Variants in EYS observed in about 807,000 individuals in gnomAD.
EYS encodes EGF-like photoreceptor maintenance factor.
In EYS, 250 loss-of-function variants were observed where a neutral mutation model predicts 282.1. The ratio of observed to expected loss-of-function variants is 0.89; its 90% CI spans 0.80 to 0.98. The LOEUF (loss-of-function observed/expected upper bound fraction) is 0.98. Ranked by LOEUF, EYS falls within the 50% of genes least tolerant of loss-of-function variation. The pLI, the probability that EYS is intolerant of heterozygous loss-of-function variation, is 0.00. For synonymous variants in EYS, 1,355 were observed against 1,282.9 expected (o/e 1.06, Z -1.20); for missense variants, 4,016 against 3,709.0 (o/e 1.08, Z -2.15).
At chr6:63,736,988 C>T (rs1382876589) in intron 41 of EYS, among the ~76,000 whole-genome samples, 2 of 151,694 alleles carry the variant, frequency 1.3e-5, no homozygotes, top group African/African-American at 4.9e-5. Flanking sequence ...AGATTTTGGG[C>T]TGAGACAATG....
chr6:64,840,951 C>T (rs953982175), intron 19 of EYS, among the ~76,000 whole-genome samples: 7 of 152,090 alleles, frequency 4.6e-5, no homozygotes, highest in African/African-American at 1.7e-4. Flanking sequence ...AGAATATACC[C>T]ATCATAACAG....
intron 31 of EYS, among the ~76,000 whole-genome samples, chr6:64,167,233 G>A (rs1057227286): frequency 1.3e-5 from 2 of 152,090 alleles, no homozygotes; most frequent in Non-Finnish European, 2.9e-5. Flanking sequence ...TTAGTTTCTG[G>A]TATATAAAAT....
chr6:65,139,593 T>G (rs1168219557), intron 12 of EYS, among the ~76,000 whole-genome samples: 1 of 152,004 alleles, frequency 6.6e-6, no homozygotes, highest in Admixed American at 6.6e-5. Flanking sequence ...AAATAAACAT[T>G]TAAACAAATA....
At chr6:65,554,850 T>C (rs1768736995) in intron 2 of EYS, among the ~76,000 whole-genome samples, 1 of 152,160 alleles carries the variant, frequency 6.6e-6, no homozygotes, top group Admixed American at 6.5e-5. Flanking sequence ...TGTACCACAA[T>C]TAAAGTTAGA....
At chr6:64,127,268 T>G (rs951978890) in intron 31 of EYS, among the ~76,000 whole-genome samples, 1 of 152,198 alleles carries the variant, frequency 6.6e-6, no homozygotes, top group Non-Finnish European at 1.5e-5. Context: ...CTAATTTACT[T>G]GAACAGTATT....
chr6:64,934,897 T>C (rs1170075615), intron 15 of EYS, among the ~76,000 whole-genome samples: 2 of 151,868 alleles, frequency 1.3e-5, no homozygotes, highest in African/African-American at 4.8e-5. Context: ...TTCATAACTC[T>C]TTTCTCTGTA....
intron 30 of EYS, among the ~76,000 whole-genome samples, chr6:64,298,031 C>G (rs936471645): frequency 7.4e-6 from 1 of 135,318 alleles, no homozygotes; most frequent in Non-Finnish European, 1.6e-5. Context: ...CCCAGATAAA[C>G]AAAAGCTAAG....
At chr6:64,044,677 G>C (rs1398467352) in intron 33 of EYS, among the ~76,000 whole-genome samples, 1 of 152,066 alleles carries the variant, frequency 6.6e-6, no homozygotes, top group Non-Finnish European at 1.5e-5. Context: ...CTTTTCAGGG[G>C]AAAAATTTAC....
chr6:63,951,863 T>A lies in EYS; in HGVS notation c.7055+32520A>T, dbSNP rs111256675. 5.9e-3 allele frequency among the ~76,000 whole-genome samples: 894 copies of A among 152,304 alleles called. 4 individuals are homozygous for A. The highest frequency in any genetic ancestry group is 9.1e-3 in the Non-Finnish European group (619 of 68,028). On this transcript the variant is annotated intron_variant, in intron 35 of 42. Coordinates refer to ENST00000503581, the MANE Select transcript of EYS (RefSeq NM_001142800.2). Reference sequence around the variant, plus strand: ...CCAGCCCATTTCATGGCTTGTTTGGTAGCAACCCTGAGATGCTTTACAGCC... The same window carrying A: ...CCAGCCCATTTCATGGCTTGTTTGGAAGCAACCCTGAGATGCTTTACAGCC...
At chr6:65,184,884 G>A (rs1314671555) in intron 12 of EYS, among the ~76,000 whole-genome samples, 1 of 151,454 alleles carries the variant, frequency 6.6e-6, no homozygotes, top group Non-Finnish European at 1.5e-5. Context: ...AAAACGTTTG[G>A]ATAAAGATGT....
At chr6:64,989,392 G>GT (rs71553508) in intron 14 of EYS, among the ~76,000 whole-genome samples, 1 of 28,034 alleles carries the variant, frequency 3.6e-5, no homozygotes, top group Non-Finnish European at 6.5e-5. Flanking sequence ...CTGGCTAGCT[G>GT]TAATATATAT....
chr6:65,064,550 T>C (rs1180183078), intron 12 of EYS, among the ~76,000 whole-genome samples: 1 of 146,886 alleles, frequency 6.8e-6, no homozygotes, highest in African/African-American at 2.5e-5. Context: ...TATATACTAA[T>C]ATACTCTGCT....
chr6:64,799,998 A>G (rs181555619), intron 22 of EYS, among the ~76,000 whole-genome samples: 262 of 152,100 alleles, frequency 1.7e-3, no homozygotes, highest in African/African-American at 6.2e-3. Flanking sequence ...AACTCACAAT[A>G]TAATCCTTTT....
chr6:65,070,463 A>C (rs147424751), intron 12 of EYS, among the ~76,000 whole-genome samples: 2 of 151,888 alleles, frequency 1.3e-5, no homozygotes, highest in Non-Finnish European at 2.9e-5. Context: ...TACTCATAAC[A>C]ACCTTCTCTC....
chr6:64,769,417 T>C (rs932547813), intron 22 of EYS, among the ~76,000 whole-genome samples: 1 of 151,992 alleles, frequency 6.6e-6, no homozygotes, highest in Non-Finnish European at 1.5e-5. Flanking sequence ...ATTTTCACAT[T>C]ATTAAATATT....
chr6:64,692,161 C>G (rs1770410742), intron 22 of EYS, among the ~76,000 whole-genome samples: 1 of 152,116 alleles, frequency 6.6e-6, no homozygotes, highest in Non-Finnish European at 1.5e-5. Flanking sequence ...TCACTAGCAT[C>G]TGTTGTTTTC....
intron 35 of EYS, among the ~76,000 whole-genome samples, chr6:63,896,089 A>C (rs1189346155): frequency 1.3e-5 from 2 of 152,124 alleles, no homozygotes; most frequent in African/African-American, 4.8e-5. Context: ...ATTTCTTCAA[A>C]GACCAGAAAC....
chr6:64,378,025 C>T (rs1367324647), intron 29 of EYS: 2 of 151,850 alleles, frequency 1.3e-5, no homozygotes, highest in Non-Finnish European at 2.9e-5. Context: ...AACAAACAAA[C>T]AAAAAAAGCT....
At chr6:63,759,109 A>G (rs1769568534) in intron 41 of EYS, among the ~76,000 whole-genome samples, 1 of 152,122 alleles carries the variant, frequency 6.6e-6, no homozygotes, top group Non-Finnish European at 1.5e-5. Flanking sequence ...GGAAATGAAA[A>G]AAGAACTTTA....
Sources: gnomAD v4.1 joint callset for allele counts (sites outside exome capture counted in the v4.1 genomes callset) on GRCh38, gnomAD v4.1.1 for gene constraint, MANE v1.5 for transcripts, NCBI Gene and HGNC (gene_info 2026-07-23, HGNC 2026-07-21) for gene names.